The following FOXP4 variants were observed in gnomAD, a reference collection of about 807,000 sequenced individuals.
FOXP4 encodes the protein forkhead box P4.
Under a neutral mutation model 82.6 loss-of-function variants are expected in FOXP4, and 25 were observed. The ratio of observed to expected loss-of-function variants is 0.30; its 90% CI spans 0.22 to 0.42. The LOEUF (loss-of-function observed/expected upper bound fraction) is 0.42. Among genes scored for constraint, FOXP4 ranks in the 10% least tolerant of loss-of-function variants. The pLI is 1.00. For synonymous variants in FOXP4, 415 were observed against 388.2 expected, an observed-to-expected ratio of 1.07 and a Z score of -0.81; for missense variants, 785 against 900.9, an observed-to-expected ratio of 0.87 and a Z score of 1.65.
chr6:41,597,392 C>T, intron 15 of FOXP4, 150 bp downstream of exon 15: 1 of 791,942 alleles, frequency 1.3e-6, no homozygotes, highest in Non-Finnish European at 2.0e-6. Flanking sequence ...CTCTCTGCCC[C>T]ACCCCAACTC....
At chr6:41,588,877 T>C in intron 9 of FOXP4, 146 bp downstream of exon 9, 1 of 890,994 alleles carries the variant, frequency 1.1e-6, no homozygotes, top group South Asian at 1.6e-5. Context: ...TTCTAGGTCC[T>C]AATGACCATG....
intron 13 of FOXP4, among the ~76,000 whole-genome samples, chr6:41,592,225 C>G (rs999311882): frequency 2.0e-5 from 3 of 152,206 alleles, no homozygotes; most frequent in Non-Finnish European, 4.4e-5. Context: ...CACTAGGTTT[C>G]AACAAGTGTT....
intron 2 of FOXP4, among the ~76,000 whole-genome samples, chr6:41,567,134 T>A (rs1323592906): frequency 1.3e-5 from 2 of 152,214 alleles, no homozygotes; most frequent in East Asian, 3.9e-4. Flanking sequence ...GAAACCTGGT[T>A]TAAGTCCCAG....
intron 5 of FOXP4, among the ~76,000 whole-genome samples, chr6:41,586,422 G>C (rs1479083256): frequency 6.6e-6 from 1 of 152,180 alleles, no homozygotes; most frequent in African/African-American, 2.4e-5. Context: ...AATGGGTGGG[G>C]GTAGGTAGAG....
At chr6:41,587,937 C>T in intron 8 of FOXP4, 40 bp downstream of exon 8, 1 of 1,132,552 alleles carries the variant, frequency 8.8e-7, no homozygotes, top group Non-Finnish European at 1.3e-6. Flanking sequence ...CAGCCTTTCC[C>T]CACAGGGCCT....
intron 1 of FOXP4, among the ~76,000 whole-genome samples, chr6:41,556,325 GTTTTT>G (rs11314988): frequency 7.3e-6 from 1 of 136,932 alleles, no homozygotes; most frequent in Admixed American, 7.4e-5. Context: ...CTCTGTGAAT[GTTTTT>G]TTTTTTTTTT....
At chr6:41,571,774 T>G (rs1426176110) in intron 2 of FOXP4, among the ~76,000 whole-genome samples, 1 of 152,144 alleles carries the variant, frequency 6.6e-6, no homozygotes, top group East Asian at 1.9e-4. Flanking sequence ...AATTTCATTT[T>G]TATGTCTCTT....
At position 41,594,928 on chromosome 6, in the gene FOXP4, A is replaced by C. The variant is rs1296712570; in HGVS notation, c.1595A>C (p.Lys532Thr). The C allele has an allele frequency of 6.2e-7, 1 of 1,614,082 alleles. No individual in the cohort carries two copies. The highest frequency in any genetic ancestry group is 8.5e-7 in the Non-Finnish European group (1 of 1,180,046). The stretch of plus-strand genomic sequence containing the variant: ...TGCTTCGTCCGCGTGGAGAACGTCA[A>C]GGGTGCCGTGTGGACTGTGGACGAG... ...HKCFVRVENV[K>T]GAVWTVDERE... Residue 532 changes from lysine to threonine, a missense_variant, in exon 14 of 17, where the codon AAG becomes ACG. Lys to Thr is a moderately conservative substitution (Grantham distance 78). Transcript: ENST00000307972.
Position 41,558,079 on chromosome 6 carries a change from A to C in FOXP4, c.-16-7666A>C, listed in dbSNP as rs907914911. Among the ~76,000 whole-genome samples, 1 of 151,592 alleles carries C rather than the reference A, an allele frequency of 6.6e-6. No homozygotes were observed. ...ATTGAGGGAGACTCCCAGGCCAGGAACTCAGGCAGAGATGGGGGTACAGAG... is the reference window on the plus strand; with the variant it reads ...ATTGAGGGAGACTCCCAGGCCAGGACCTCAGGCAGAGATGGGGGTACAGAG... On this transcript the variant is annotated intron_variant, in intron 1 of 16. Coordinates refer to ENST00000307972, the MANE Select transcript of FOXP4 (RefSeq NM_001012426.2). The surrounding 1 kb of genome is among the most constrained non-coding windows in gnomAD (Gnocchi z 4.0).
rs3800283 is a variant in FOXP4, at chr6:41,590,620, A to G, written c.1434+273A>G. On this transcript the variant is annotated intron_variant, in intron 12 of 16. Coordinates refer to ENST00000307972, the MANE Select transcript of FOXP4 (RefSeq NM_001012426.2). ...CATTCATGTGCTCATTTCCACGTAC[A>G]CAGCCCGCCATGATAGACTCAGGGT... 0.4 allele frequency among the ~76,000 whole-genome samples: 60,628 copies of G among 151,690 alleles called. 12,811 individuals carry two copies. The highest frequency in any genetic ancestry group is 0.53 in the African/African-American group (21,990 of 41,306).
In FOXP4 at chr6:41,587,849, A is replaced by G. The variant is rs1766247978; in HGVS notation, c.929A>G (p.Lys310Arg). Residue 310 changes from lysine (K) to arginine (R), a missense_variant, in exon 8 of 17, where the codon AAG (lysine) becomes AGG (arginine). By Grantham distance (26) the Lys-to-Arg change is conservative (BLOSUM62 2). Coordinates refer to ENST00000307972, the MANE Select transcript of FOXP4 (RefSeq NM_001012426.2). ...SHPLYGHGEC[K>R]WPGCETLCED... ...CCCCTGTACGGACACGGAGAGTGCA[A>G]GTGGCCAGGCTGTGAGACCCTGTGT... 3.2e-6 allele frequency: 5 copies of G among 1,571,702 alleles called. No homozygotes were observed. The highest frequency in any genetic ancestry group is 2.4e-5 in the East Asian group (1 of 42,520).
chr6:41,595,032 G>T, intron 14 of FOXP4, 41 bp downstream of exon 14: 1 of 1,612,038 alleles, frequency 6.2e-7, no homozygotes, highest in East Asian at 2.2e-5. Context: ...CCTGCCCAGG[G>T]GGCAGGAGCC....
At position 41,575,848 on chromosome 6, in the gene FOXP4, C is replaced by G. The variant is rs1220807621; in HGVS notation, c.205-2138C>G. On this transcript the variant is annotated intron_variant, in intron 2 of 16. Transcript: ENST00000307972. Reference sequence around the variant, plus strand: ...GTCCCTTTTGGGTCGCCTGGGCTGGCCAGCCTCTCTGAGCCATCTTCTTCC... The same window carrying G: ...GTCCCTTTTGGGTCGCCTGGGCTGGGCAGCCTCTCTGAGCCATCTTCTTCC... Among the ~76,000 whole-genome samples, 3 of 151,802 alleles carry G rather than the reference C, an allele frequency of 2.0e-5. No homozygotes were observed. In the East Asian group the frequency reaches 5.8e-4, roughly 29 times the overall value.
chr6:41,597,163 C>T lies in FOXP4; in HGVS notation c.1659-13C>T, dbSNP rs540018782. ...GAATGAGTGAGCCAAAGATGGCCTT[C>T]TCTGTCCTCCAGGAGCCCCACCCTG... On this transcript the variant is annotated splice_polypyrimidine_tract_variant and intron_variant, in intron 14 of 16. Coordinates refer to ENST00000307972, the MANE Select transcript of FOXP4 (RefSeq NM_001012426.2). 1.4e-5 allele frequency: 22 copies of T among 1,614,000 alleles called. No individual in the cohort carries two copies. The highest frequency in any genetic ancestry group is 1.8e-5 in the Non-Finnish European group (21 of 1,179,972).
intron 9 of FOXP4, 84 bp downstream of exon 9, chr6:41,588,815 G>T: frequency 6.8e-7 from 1 of 1,462,732 alleles, no homozygotes. Flanking sequence ...GGTGGGCTCT[G>T]TTGGGAGGGT....
chr6:41,594,978 C>A lies in FOXP4; in HGVS notation c.1645C>A (p.Pro549Thr). 6.2e-7 allele frequency: 1 copy of A among 1,614,080 alleles called. No individual in the cohort carries two copies. Among genetic ancestry groups the A allele is most frequent in the Non-Finnish European group, 8.5e-7 (1 of 1,180,008 alleles). The change falls in exon 14 of 17, where the codon CCA becomes ACA. Residue 549 changes from proline (P) to threonine (T), a missense_variant. Transcript: ENST00000307972. The stretch of plus-strand genomic sequence containing the variant: ...GCGGGAGTATCAGAAGCGGAGACCG[C>A]CAAAGATGACAGGGTATGTGGGTCC... ...DEREYQKRRP[P>T]KMTGSPTLVK...
At chr6:41,575,176 G>A (rs1221749457) in intron 2 of FOXP4, among the ~76,000 whole-genome samples, 1 of 152,138 alleles carries the variant, frequency 6.6e-6, no homozygotes, top group East Asian at 1.9e-4. Flanking sequence ...CACCATGTTA[G>A]CCAGGATTGT....
rs906698581 is a variant in FOXP4 at position 41,599,023 on chromosome 6, G to A, written c.*87G>A. The A allele has an allele frequency of 3.2e-5, 47 of 1,447,996 alleles. No individual in the cohort carries two copies. The African/African-American group carries it at 4.9e-4, about 15-fold the overall frequency. 89.7% of individuals were successfully genotyped at this position (1,447,996 alleles called of 1,614,324 possible). A position where few individuals can be genotyped will look rare whatever the true frequency, so the allele number is the denominator to read the frequency against. On this transcript the variant is annotated 3_prime_UTR_variant, in exon 17 of 17. Transcript: ENST00000307972. ...CTCCCCCAACTCCACAGCCCCTCCC[G>A]AGCCTCAAGGCAAGTCCAGGACTCA...
chr6:41,574,828 T>G (rs1765385994), intron 2 of FOXP4, among the ~76,000 whole-genome samples: 2 of 152,192 alleles, frequency 1.3e-5, no homozygotes, highest in African/African-American at 4.8e-5. Flanking sequence ...ATGGCGAGAC[T>G]CCAGTTAGTG....
Sources: gnomAD v4.1 joint callset for allele counts (sites outside exome capture counted in the v4.1 genomes callset) on GRCh38, gnomAD v4.1.1 for gene constraint, Gnocchi (gnomAD v3.1) non-coding constraint, MANE v1.5 for transcripts, NCBI Gene and HGNC (gene_info 2026-07-23, HGNC 2026-07-21) for gene names.